Variants in SLC10A2 observed in about 807,000 individuals in gnomAD.
The protein encoded by SLC10A2 is solute carrier family 10 member 2.
A neutral mutation model predicts 27.1 loss-of-function variants in SLC10A2; 34 were observed. The ratio of observed to expected loss-of-function variants is 1.26; its 90% CI spans 0.96 to 1.67. The LOEUF (loss-of-function observed/expected upper bound fraction) is 1.67, where lower values mean the gene tolerates loss of function less well. SLC10A2 is among the 40% of genes most tolerant of loss of function. The probability of loss-of-function intolerance (pLI) is 0.00; values close to 1 mark genes in which losing one functional copy is unlikely to be tolerated. For synonymous variants in SLC10A2, 205 were observed against 174.0 expected, an observed-to-expected ratio of 1.18 and a Z score of -1.40; for missense variants, 530 against 444.4, an observed-to-expected ratio of 1.19 and a Z score of -1.73.
chr13:103,059,138 A>G (rs1030542081), intron 1 of SLC10A2, among the ~76,000 whole-genome samples: 5 of 152,202 alleles, frequency 3.3e-5, no homozygotes, highest in African/African-American at 9.7e-5. Context: ...TGCCTTTTTA[A>G]TAATAGCCAT....
Position 103,046,196 on chromosome 13 carries a change from A to G in SLC10A2, c.984T>C (p.Asn328=), listed in dbSNP as rs780757419. 1 of 1,613,744 alleles carries G rather than the reference A, an allele frequency of 6.2e-7. No homozygotes were observed. The change falls in exon 6 of 6, where the codon AAT becomes AAC. Residue 328 remains asparagine, a synonymous_variant. Transcript: ENST00000245312. ...AAAACGATGACTCTGGCTCCGTTCC[A>G]TTTTCTTTGCTCTCTGGAATTTCTG... ...NKAEIPESKE[N]GTEPESSFYK...
At position 103,044,479 on chromosome 13, in the gene SLC10A2, T is replaced by G. The variant is rs978853744; in HGVS notation, c.*1654A>C. The G allele has an allele frequency of 1.3e-5, 2 of 152,200 alleles. No individual in the cohort carries two copies. Among genetic ancestry groups the G allele is most frequent in the Admixed American group, 1.3e-4 (2 of 15,276 alleles). 9.4% of individuals were successfully genotyped at this position (152,200 alleles called of 1,614,324 possible). A position where few individuals can be genotyped will look rare whatever the true frequency, so the allele number is the denominator to read the frequency against. ...TCTGTACCCCCTCTCCTCCACTATC[T>G]CTTAAAATTATTTAGTCCATTTTGT... is the stretch of plus-strand genomic sequence containing the variant. On this transcript the variant is annotated 3_prime_UTR_variant, in exon 6 of 6. Transcript: ENST00000245312.
At chr13:103,055,225 A>G (rs1875906015) in intron 2 of SLC10A2, among the ~76,000 whole-genome samples, 1 of 152,198 alleles carries the variant, frequency 6.6e-6, no homozygotes, top group Non-Finnish European at 1.5e-5. Flanking sequence ...AAATGATGAA[A>G]TGGCTATAAA....
rs201693234 is a variant in SLC10A2 at position 103,066,238 on chromosome 13, C to T, written c.12G>A (p.Pro4=). 29 of 1,604,366 alleles carry T rather than the reference C, an allele frequency of 1.8e-5. No homozygotes were observed. The highest frequency in any genetic ancestry group is 1.6e-4 in the East Asian group (7 of 44,686). MND[P]NSCVDNATVC... is the part of the protein sequence containing the mutation. ...CTGTTGCATTGTCCACACAGCTGTT[C>T]GGATCATTCATTGCTGGGTCTGCTG... The change falls in exon 1 of 6, where the codon CCG becomes CCA. Residue 4 remains proline (P), a synonymous_variant. Transcript: ENST00000245312.
In SLC10A2 at chr13:103,046,102, T is replaced by C; in HGVS notation, c.*31A>G. Reference sequence around the variant, plus strand: ...TATAGTTACGGTTTAAGAACGTAATTTGGAACTCGTCTGTTTTGTCCACTT... The same window carrying C: ...TATAGTTACGGTTTAAGAACGTAATCTGGAACTCGTCTGTTTTGTCCACTT... On this transcript the variant is annotated 3_prime_UTR_variant, in exon 6 of 6. Transcript: ENST00000245312. 1 of 1,612,606 alleles carries C rather than the reference T, an allele frequency of 6.2e-7. No homozygotes were observed.
chr13:103,046,092 A>G lies in SLC10A2; in HGVS notation c.*41T>C. 1 of 1,610,506 alleles carries G rather than the reference A, an allele frequency of 6.2e-7. No homozygotes were observed. Among genetic ancestry groups the G allele is most frequent in the Non-Finnish European group, 8.5e-7 (1 of 1,176,940 alleles). On this transcript the variant is annotated 3_prime_UTR_variant, in exon 6 of 6. Coordinates refer to ENST00000245312, the MANE Select transcript of SLC10A2 (RefSeq NM_000452.3). ...AATAATTAAATATAGTTACGGTTTA[A>G]GAACGTAATTTGGAACTCGTCTGTT...
rs1875693642 is a variant in SLC10A2 at position 103,049,160 on chromosome 13, G to T, written c.919+129C>A. On this transcript the variant is annotated intron_variant, in intron 5 of 5. Transcript: ENST00000245312. ...AATTGGAAAGTCATGATAATATGAC[G>T]GTGGCTTTTTCCTCTCATATATTTG... The T allele has an allele frequency of 2.9e-5, 26 of 902,444 alleles. No individual in the cohort carries two copies. The South Asian group carries it at 3.4e-4, about 12-fold the overall frequency. 55.9% of individuals were successfully genotyped at this position (902,444 alleles called of 1,614,324 possible). A position where few individuals can be genotyped will look rare whatever the true frequency, so the allele number is the denominator to read the frequency against.
intron 1 of SLC10A2, among the ~76,000 whole-genome samples, chr13:103,060,979 T>C (rs1876099430): frequency 6.6e-6 from 1 of 152,168 alleles, no homozygotes; most frequent in Admixed American, 6.5e-5. Context: ...TTTGGCAAAA[T>C]ACAGGGTGGG....
intron 2 of SLC10A2, among the ~76,000 whole-genome samples, chr13:103,053,430 A>G (rs1447949291): frequency 1.3e-5 from 2 of 152,210 alleles, no homozygotes; most frequent in Admixed American, 1.3e-4. Context: ...AAAGAGTCAT[A>G]CTTCAATTTC....
At chr13:103,054,118 G>C (rs1208983717) in intron 2 of SLC10A2, among the ~76,000 whole-genome samples, 1 of 32,732 alleles carries the variant, frequency 3.1e-5, no homozygotes, top group East Asian at 7.5e-4. Context: ...ATTGAATTGT[G>C]GGGGGCAGAC....
chr13:103,058,433 GA>G, intron 1 of SLC10A2, 51 bp from the exon 2 acceptor site: 1 of 1,075,924 alleles, frequency 9.3e-7, no homozygotes, highest in African/African-American at 1.6e-5. Context: ...TTCTAGGGAA[GA>G]TGCTGTTTTA....
Position 103,065,940 on chromosome 13 carries a change from CTA to C in SLC10A2, c.308_309del (p.Ile103ArgfsTer60). 6.2e-7 allele frequency: 1 copy of C among 1,614,178 alleles called. No homozygotes were observed. The highest frequency in any genetic ancestry group is 1.3e-5 in the African/African-American group (1 of 75,048). ...GAGGCAGTTCCTCCAGGGCAGCATC[CTA>C]TAATGAGCACCACTACGGCCTGGAG... ...LPLQAVVVLI[I>X]GCCPGGTASN... On this transcript the variant is annotated frameshift_variant, in exon 1 of 6. Coordinates refer to ENST00000245312, the MANE Select transcript of SLC10A2 (RefSeq NM_000452.3). LOFTEE classifies it high-confidence loss of function.
intron 2 of SLC10A2, among the ~76,000 whole-genome samples, chr13:103,055,320 C>A (rs1395758826): frequency 1.3e-5 from 2 of 152,140 alleles, no homozygotes; most frequent in African/African-American, 4.8e-5. Context: ...TTAGTGGTAC[C>A]AGCTGCATGG....
At chr13:103,049,227 G>A in intron 5 of SLC10A2, 62 bp downstream of exon 5, 4 of 1,581,958 alleles carry the variant, frequency 2.5e-6, no homozygotes, top group Non-Finnish European at 3.5e-6. Context: ...AAAAAATGTT[G>A]TTTTAGCAAC....
intron 1 of SLC10A2, among the ~76,000 whole-genome samples, chr13:103,060,099 CA>C (rs1398060969): frequency 5.3e-5 from 8 of 152,100 alleles, no homozygotes; most frequent in Non-Finnish European, 1.0e-4. Context: ...AGTACTAGGA[CA>C]GTGGGTCAAA....
At position 103,066,010 on chromosome 13, in the gene SLC10A2, G is replaced by T. The variant is rs367558908; in HGVS notation, c.240C>A (p.Pro80=). 3.1e-6 allele frequency: 5 copies of T among 1,613,974 alleles called. No individual in the cohort carries two copies. The East Asian group carries it at 1.1e-4, about 36-fold the overall frequency. The change falls in exon 1 of 6, where the codon CCC becomes CCA. Residue 80 remains proline, a synonymous_variant. Coordinates refer to ENST00000245312, the MANE Select transcript of SLC10A2 (RefSeq NM_000452.3). ...CCACCGACAGGATGAATCCTGTGAG[G>T]GGCATGATTCCAAACTGACAGAGGA... is the stretch of plus-strand genomic sequence containing the variant. ...VGFLCQFGIM[P]LTGFILSVAF...
intron 2 of SLC10A2, among the ~76,000 whole-genome samples, chr13:103,055,584 A>C (rs1875914270): frequency 6.6e-6 from 1 of 152,200 alleles, no homozygotes; most frequent in African/African-American, 2.4e-5. Context: ...AACCAACAGC[A>C]AAAAGGTGAG....
At chr13:103,063,000 C>T (rs1470539398) in intron 1 of SLC10A2, among the ~76,000 whole-genome samples, 3 of 152,136 alleles carry the variant, frequency 2.0e-5, no homozygotes, top group African/African-American at 4.8e-5. Context: ...GTCCTCTCAA[C>T]TATGGGTTTT....
chr13:103,052,830 A>C, intron 2 of SLC10A2, 122 bp from the exon 3 acceptor site: 1 of 711,816 alleles, frequency 1.4e-6, no homozygotes, highest in Non-Finnish European at 2.6e-6. Flanking sequence ...TTGAATACAC[A>C]AAACAGAATA....
Sources: gnomAD v4.1 joint callset for allele counts (sites outside exome capture counted in the v4.1 genomes callset) on GRCh38, gnomAD v4.1.1 for gene constraint, MANE v1.5 for transcripts, NCBI Gene and HGNC (gene_info 2026-07-23, HGNC 2026-07-21) for gene names.